Variants in GRIA1 observed in about 807,000 individuals in gnomAD.
GRIA1 encodes the protein glutamate ionotropic receptor AMPA type subunit 1.
In GRIA1, 31 loss-of-function variants were observed where a neutral mutation model predicts 99.2. The observed-to-expected ratio is 0.31, with a 90% CI of 0.23 to 0.42. GRIA1 has a LOEUF of 0.42. Among genes scored for constraint, GRIA1 ranks in the 10% least tolerant of loss-of-function variants. The pLI is 1.00. For missense variants in GRIA1, 782 were observed against 1,157.5 expected, an observed-to-expected ratio of 0.68 and a Z score of 4.71; for synonymous variants, 438 against 432.4, an observed-to-expected ratio of 1.01 and a Z score of -0.16.
chr5:153,600,797 A>G (rs921269987), intron 2 of GRIA1, among the ~76,000 whole-genome samples: 4 of 152,210 alleles, frequency 2.6e-5, no homozygotes, highest in Non-Finnish European at 4.4e-5. Context: ...GAATTAAATG[A>G]GCTTTGCACA....
chr5:153,763,519 G>A (rs1006289101), intron 11 of GRIA1, among the ~76,000 whole-genome samples: 1 of 152,196 alleles, frequency 6.6e-6, no homozygotes, highest in Non-Finnish European at 1.5e-5. Flanking sequence ...AAAGAGAAAT[G>A]AAATGCAAAT....
At chr5:153,637,854 C>T (rs1332714626) in intron 2 of GRIA1, among the ~76,000 whole-genome samples, 1 of 152,176 alleles carries the variant, frequency 6.6e-6, no homozygotes, top group East Asian at 1.9e-4. Context: ...CAAGTAACAG[C>T]ACCGTGCAAT....
intron 11 of GRIA1, among the ~76,000 whole-genome samples, chr5:153,763,583 T>TA (rs1250327479): frequency 1.3e-5 from 2 of 152,184 alleles, no homozygotes; most frequent in Non-Finnish European, 2.9e-5. Context: ...GCTTACCACA[T>TA]AAAATCACCA....
chr5:153,660,188 G>A (rs971878520), intron 5 of GRIA1, among the ~76,000 whole-genome samples: 8 of 152,150 alleles, frequency 5.3e-5, no homozygotes, highest in African/African-American at 1.7e-4. Context: ...AAGATGATCA[G>A]GCTAACCTGA....
chr5:153,541,850 AAC>A (rs1759130236), intron 2 of GRIA1, among the ~76,000 whole-genome samples: 4 of 148,288 alleles, frequency 2.7e-5, no homozygotes. Flanking sequence ...GAATCGCTTG[AAC>A]ATGGGAGGTG....
At chr5:153,492,103 C>T in intron 1 of GRIA1, 2 of 1,410,468 alleles carry the variant, frequency 1.4e-6, no homozygotes, top group Non-Finnish European at 1.9e-6. Context: ...GGAGATAGCT[C>T]CACTAGGGAA....
intron 8 of GRIA1, among the ~76,000 whole-genome samples, chr5:153,697,595 C>T (rs949278786): frequency 3.3e-5 from 5 of 152,008 alleles, no homozygotes; most frequent in African/African-American, 1.2e-4. Flanking sequence ...ATACAGTTAA[C>T]CTAAAAATAA....
At position 153,811,215 on chromosome 5, in the gene GRIA1, C is replaced by T; in HGVS notation, c.2711C>T (p.Thr904Met). The T allele has an allele frequency of 6.2e-7, 1 of 1,613,542 alleles. No individual in the cohort carries two copies. The highest frequency in any genetic ancestry group is 1.6e-4 in the Middle Eastern group (1 of 6,062). Residue 904 changes from threonine to methionine, a missense_variant, in exon 16 of 16, where the codon ACG (threonine) becomes ATG (methionine). Transcript: ENST00000285900. Reference sequence around the variant, plus strand: ...AGTTCAGGGATGCCCTTGGGAGCCACGGGATTGTAACTGGAGCAGATGGAG... The same window carrying T: ...AGTTCAGGGATGCCCTTGGGAGCCATGGGATTGTAACTGGAGCAGATGGAG... The part of the protein sequence containing the change: ...SHSSGMPLGA[T>M]GL
At chr5:153,625,765 G>A (rs1767541056) in intron 2 of GRIA1, among the ~76,000 whole-genome samples, 1 of 152,200 alleles carries the variant, frequency 6.6e-6, no homozygotes, top group Admixed American at 6.5e-5. Flanking sequence ...AACATTTACT[G>A]AGCAAATATT....
At chr5:153,735,018 G>C (rs1238886438) in intron 11 of GRIA1, among the ~76,000 whole-genome samples, 1 of 152,198 alleles carries the variant, frequency 6.6e-6, no homozygotes, top group East Asian at 1.9e-4. Flanking sequence ...GGGGATGGGA[G>C]CTACTGGTGT....
At chr5:153,644,753 G>T (rs1037645040) in intron 2 of GRIA1, among the ~76,000 whole-genome samples, 1 of 151,952 alleles carries the variant, frequency 6.6e-6, no homozygotes, top group African/African-American at 2.4e-5. Context: ...TTGGGCTGAG[G>T]CACAACTGCT....
intron 2 of GRIA1, among the ~76,000 whole-genome samples, chr5:153,505,173 A>G (rs894780629): frequency 2.6e-5 from 4 of 152,212 alleles, no homozygotes; most frequent in African/African-American, 9.6e-5. Flanking sequence ...CAGGGGACTG[A>G]TATCCTAAGA....
At chr5:153,735,637 T>A (rs932745595) in intron 11 of GRIA1, among the ~76,000 whole-genome samples, 2 of 152,064 alleles carry the variant, frequency 1.3e-5, no homozygotes, top group Non-Finnish European at 2.9e-5. Context: ...TGAGGGGTGG[T>A]CTCCTCCCTT....
At chr5:153,669,746 G>C (rs1756014008) in intron 5 of GRIA1, among the ~76,000 whole-genome samples, 2 of 152,000 alleles carry the variant, frequency 1.3e-5, no homozygotes, top group South Asian at 4.1e-4. Context: ...TCCTGCATTT[G>C]GTTATTTAAT....
intron 11 of GRIA1, among the ~76,000 whole-genome samples, chr5:153,754,500 A>G (rs558358326): frequency 1.2e-4 from 19 of 152,358 alleles, no homozygotes; most frequent in Admixed American, 1.2e-3. Flanking sequence ...CAATTAAAAG[A>G]GAACAGGGAA....
intron 2 of GRIA1, chr5:153,574,395 A>C (rs1762366949): frequency 6.6e-6 from 1 of 152,128 alleles, no homozygotes; most frequent in Non-Finnish European, 1.5e-5. Flanking sequence ...GATATAGGTA[A>C]GGGTTTTTTG....
At chr5:153,691,490 C>T (rs188067228) in intron 8 of GRIA1, among the ~76,000 whole-genome samples, 2 of 152,224 alleles carry the variant, frequency 1.3e-5, no homozygotes, top group African/African-American at 4.8e-5. Flanking sequence ...AGTTTATTAT[C>T]CCCACTTCTG....
At chr5:153,630,873 T>G (rs1046593021) in intron 2 of GRIA1, among the ~76,000 whole-genome samples, 2 of 152,180 alleles carry the variant, frequency 1.3e-5, no homozygotes, top group Admixed American at 1.3e-4. Context: ...AAGTCTATAA[T>G]GCAGTGTTCT....
In GRIA1 at chr5:153,745,630, A is replaced by T. The variant is rs1051779066; in HGVS notation, c.1824-18804A>T. On this transcript the variant is annotated intron_variant, in intron 11 of 15. Coordinates refer to ENST00000285900, the MANE Select transcript of GRIA1 (RefSeq NM_000827.4). ...AAAAAAAAGAAAAGAAAAAGAAATT[A>T]TAGGTATTCACTCACTTAGGAAATT... is the stretch of plus-strand genomic sequence containing the variant. Among the ~76,000 whole-genome samples the T allele has an allele frequency of 5.9e-5, 9 of 151,436 alleles. No individual in the cohort carries two copies. The South Asian group carries it at 1.3e-3, about 21-fold the overall frequency.
Sources: allele counts gnomAD v4.1 joint callset (sites outside exome capture counted in the v4.1 genomes callset), GRCh38; gene constraint gnomAD v4.1.1; transcripts MANE v1.5; gene names NCBI Gene and HGNC (gene_info 2026-07-23, HGNC 2026-07-21).